ZDHHC14: variants seen among roughly 807,000 people sequenced by gnomAD.
The protein encoded by ZDHHC14 is zDHHC palmitoyltransferase 14.
In ZDHHC14, 16 loss-of-function variants were observed where a neutral mutation model predicts 47.7. That is an observed-to-expected ratio of 0.34 (90% CI 0.23 to 0.51). ZDHHC14 has a LOEUF of 0.51. ZDHHC14 is among the 20% of genes least tolerant of loss of function. The pLI, the probability that ZDHHC14 is intolerant of heterozygous loss-of-function variation, is 0.97. For synonymous variants in ZDHHC14, 293 were observed against 278.9 expected (o/e 1.05, Z -0.50); for missense variants, 515 against 662.5 (o/e 0.78, Z 2.44).
intron 1 of ZDHHC14, among the ~76,000 whole-genome samples, chr6:157,504,504 G>T (rs1329902484): frequency 1.5e-5 from 2 of 130,706 alleles, no homozygotes; most frequent in African/African-American, 6.2e-5. Context: ...CCAGGCTGGA[G>T]TGCAATGGTG....
intron 2 of ZDHHC14, among the ~76,000 whole-genome samples, chr6:157,559,452 A>T (rs1485450167): frequency 6.6e-6 from 1 of 152,208 alleles, no homozygotes; most frequent in African/African-American, 2.4e-5. Context: ...CTTTAGAGCC[A>T]TTGGCTTTAG....
intron 1 of ZDHHC14, among the ~76,000 whole-genome samples, chr6:157,495,791 G>A (rs560087933): frequency 3.7e-5 from 5 of 133,764 alleles, no homozygotes; most frequent in South Asian, 2.6e-4. Flanking sequence ...TGCAACCTCC[G>A]CCTCCCGGCT....
At chr6:157,522,736 C>T (rs112321844) in intron 1 of ZDHHC14, among the ~76,000 whole-genome samples, 532 of 27,428 alleles carry the variant, frequency 0.019, 8 homozygotes, top group African/African-American at 0.14. Context: ...TTCTCTCCTC[C>T]CTCCCTCCCT....
At chr6:157,569,767 C>A (rs2114854781) in intron 2 of ZDHHC14, among the ~76,000 whole-genome samples, 1 of 152,032 alleles carries the variant, frequency 6.6e-6, no homozygotes, top group South Asian at 2.1e-4. Flanking sequence ...TTGTTTTTTT[C>A]TTCACACGGA....
At chr6:157,472,815 T>C (rs1475776063) in intron 1 of ZDHHC14, among the ~76,000 whole-genome samples, 1 of 152,204 alleles carries the variant, frequency 6.6e-6, no homozygotes, top group Admixed American at 6.5e-5. Context: ...TAGGAAATTT[T>C]CCAGCATTTA....
At chr6:157,479,967 G>T (rs1197401089) in intron 1 of ZDHHC14, among the ~76,000 whole-genome samples, 1 of 152,206 alleles carries the variant, frequency 6.6e-6, no homozygotes, top group Non-Finnish European at 1.5e-5. Context: ...GGAAAAAGGG[G>T]AAGCTGCCAG....
intron 2 of ZDHHC14, among the ~76,000 whole-genome samples, chr6:157,587,341 C>A (rs1582981952): frequency 6.6e-6 from 1 of 152,238 alleles, no homozygotes; most frequent in East Asian, 1.9e-4. Flanking sequence ...GGGAAGCACA[C>A]AGCCGTGCCA....
chr6:157,406,267 A>G (rs1242767817), intron 1 of ZDHHC14, among the ~76,000 whole-genome samples: 1 of 152,178 alleles, frequency 6.6e-6, no homozygotes, highest in Non-Finnish European at 1.5e-5. Flanking sequence ...GGGAGAAAGA[A>G]GGTTGAAAGG....
chr6:157,657,038 C>T lies in ZDHHC14; in HGVS notation c.1068+3411C>T, dbSNP rs1000273667. Among the ~76,000 whole-genome samples, 8 of 143,574 alleles carry T rather than the reference C, an allele frequency of 5.6e-5. 1 individual carries two copies. The highest frequency in any genetic ancestry group is 2.1e-4 in the African/African-American group (8 of 38,658). 94.2% of individuals were successfully genotyped at this position (143,574 alleles called of 152,430 possible). ...GTAGCATCTTCTTGCCATCCGTACACACAAAGGGTATTTGTATTTTTTTTT... is the reference window on the plus strand; with the variant it reads ...GTAGCATCTTCTTGCCATCCGTACATACAAAGGGTATTTGTATTTTTTTTT... On this transcript the variant is annotated intron_variant, in intron 8 of 8. Transcript: ENST00000359775.
chr6:157,479,351 T>A (rs1405362170), intron 1 of ZDHHC14, among the ~76,000 whole-genome samples: 1 of 152,204 alleles, frequency 6.6e-6, no homozygotes, highest in African/African-American at 2.4e-5. Flanking sequence ...GTCTTAAGGT[T>A]TTTTTTACTG....
At chr6:157,479,521 C>A (rs1185157022) in intron 1 of ZDHHC14, among the ~76,000 whole-genome samples, 1 of 152,182 alleles carries the variant, frequency 6.6e-6, no homozygotes, top group East Asian at 1.9e-4. Context: ...TGTGCCCCTG[C>A]CCTTTCTGAA....
chr6:157,511,867 A>G (rs934145708), intron 1 of ZDHHC14, among the ~76,000 whole-genome samples: 2 of 152,146 alleles, frequency 1.3e-5, no homozygotes, highest in African/African-American at 4.8e-5. Context: ...ACTTAGCACA[A>G]TGTCATAAAT....
intron 2 of ZDHHC14, among the ~76,000 whole-genome samples, chr6:157,564,500 G>A (rs1782828573): frequency 6.6e-6 from 1 of 152,170 alleles, no homozygotes; most frequent in Admixed American, 6.5e-5. Flanking sequence ...TCTAGAACTA[G>A]AAACTCAGTT....
intron 1 of ZDHHC14, among the ~76,000 whole-genome samples, chr6:157,473,134 A>G (rs1197615891): frequency 6.6e-6 from 1 of 152,238 alleles, no homozygotes; most frequent in Non-Finnish European, 1.5e-5. Context: ...TTTAACACAT[A>G]TATTAGCTCA....
intron 1 of ZDHHC14, among the ~76,000 whole-genome samples, chr6:157,475,734 G>A (rs1166069655): frequency 6.6e-6 from 1 of 152,130 alleles, no homozygotes; most frequent in African/African-American, 2.4e-5. Context: ...TTTGTATGCT[G>A]TAACATTACT....
At chr6:157,434,105 G>T (rs775017645) in intron 1 of ZDHHC14, among the ~76,000 whole-genome samples, 9 of 152,026 alleles carry the variant, frequency 5.9e-5, no homozygotes, top group South Asian at 2.1e-4. Flanking sequence ...CCAGTTCCAA[G>T]ATTACATAAC....
chr6:157,640,047 G>A (rs1251883747), intron 5 of ZDHHC14, among the ~76,000 whole-genome samples: 1 of 152,326 alleles, frequency 6.6e-6, no homozygotes, highest in South Asian at 2.1e-4. Flanking sequence ...GCCATGTGGT[G>A]ATGCCGCCTT....
intron 2 of ZDHHC14, among the ~76,000 whole-genome samples, chr6:157,562,405 C>T (rs942524767): frequency 1.3e-5 from 2 of 152,248 alleles, no homozygotes; most frequent in African/African-American, 2.4e-5. Context: ...GTGAGCGTGG[C>T]GAGGGGTCTC....
rs141827595 is a variant in ZDHHC14 at position 157,386,043 on chromosome 6, G to A, written c.245+3777G>A. Among the ~76,000 whole-genome samples, 770 of 152,236 alleles carry A rather than the reference G, an allele frequency of 5.1e-3. 1 individual carries two copies. Among genetic ancestry groups the A allele is most frequent in the Non-Finnish European group, 8.5e-3 (580 of 68,020 alleles). On this transcript the variant is annotated intron_variant, in intron 1 of 8. Transcript: ENST00000359775. ...TACGGTATACTGTGTACCAGTGTTT[G>A]GCACATAGCAAGGGCTCAATAAATG...
Sources: allele counts gnomAD v4.1 joint callset (sites outside exome capture counted in the v4.1 genomes callset), GRCh38; gene constraint gnomAD v4.1.1; transcripts MANE v1.5; gene names NCBI Gene and HGNC (gene_info 2026-07-23, HGNC 2026-07-21).